TMEM132C: variants seen among roughly 807,000 people sequenced by gnomAD.
TMEM132C encodes transmembrane protein 132C, also known as protein phosphatase 1, regulatory subunit 152.
A neutral mutation model predicts 61.4 loss-of-function variants in TMEM132C; 29 were observed. The observed-to-expected ratio is 0.47, with a 90% CI of 0.35 to 0.64. The LOEUF (loss-of-function observed/expected upper bound fraction) is 0.64. TMEM132C is among the 30% of genes least tolerant of loss of function. The pLI is 0.00. For synonymous variants in TMEM132C, 656 were observed against 633.1 expected (o/e 1.04, Z -0.54); for missense variants, 1,408 against 1,476.9 (o/e 0.95, Z 0.76).
intron 4 of TMEM132C, among the ~76,000 whole-genome samples, chr12:128,632,005 G>T (rs1042128840): frequency 1.3e-5 from 2 of 152,260 alleles, no homozygotes; most frequent in Middle Eastern, 3.4e-3. Context: ...ATGGGGGGAA[G>T]GGGGGCTGAC....
chr12:128,556,692 G>A (rs542948823), intron 3 of TMEM132C, among the ~76,000 whole-genome samples: 22 of 152,174 alleles, frequency 1.4e-4, no homozygotes, highest in African/African-American at 3.9e-4. Context: ...TCATAAAAGC[G>A]CCCTGCACCA....
chr12:128,599,922 C>T (rs1194168190), intron 3 of TMEM132C, among the ~76,000 whole-genome samples: 1 of 152,156 alleles, frequency 6.6e-6, no homozygotes, highest in Non-Finnish European at 1.5e-5. Flanking sequence ...TACCCCCATG[C>T]TGCTGTTCTC....
At chr12:128,586,771 G>C (rs1055513818) in intron 3 of TMEM132C, among the ~76,000 whole-genome samples, 1 of 152,212 alleles carries the variant, frequency 6.6e-6, no homozygotes, top group African/African-American at 2.4e-5. Flanking sequence ...TCTCATCCTT[G>C]CCTCATCCCT....
chr12:128,384,977 A>C (rs2135994307), intron 1 of TMEM132C, among the ~76,000 whole-genome samples: 1 of 152,308 alleles, frequency 6.6e-6, no homozygotes. Context: ...CACGTCTGTC[A>C]AAGTCCAGCC....
intron 1 of TMEM132C, among the ~76,000 whole-genome samples, chr12:128,279,462 C>T (rs1009761637): frequency 2.6e-5 from 4 of 152,148 alleles, no homozygotes; most frequent in African/African-American, 9.7e-5. Context: ...TAGTGTCTCC[C>T]ATCACATTCA....
rs80025064 is a variant in TMEM132C at position 128,331,473 on chromosome 12, T to C, written c.85+63986T>C. Among the ~76,000 whole-genome samples the C allele has an allele frequency of 5.0e-4, 75 of 151,320 alleles. No individual in the cohort carries two copies. In the East Asian group the frequency reaches 0.012, roughly 23 times the overall value. ...CTATGATTCCACTCTCTACATCACA[T>C]GTACACATTTTTTTGGCACCCACTT... is the stretch of plus-strand genomic sequence containing the variant. On this transcript the variant is annotated intron_variant, in intron 1 of 8. Coordinates refer to ENST00000435159, the MANE Select transcript of TMEM132C (RefSeq NM_001136103.3).
chr12:128,401,204 C>T (rs1238604930), intron 1 of TMEM132C, among the ~76,000 whole-genome samples: 1 of 152,090 alleles, frequency 6.6e-6, no homozygotes, highest in Admixed American at 6.5e-5. Context: ...TGTCTTCTAG[C>T]CTGCAAAAAC....
At chr12:128,672,135 T>C (rs1954538329) in intron 5 of TMEM132C, among the ~76,000 whole-genome samples, 2 of 152,244 alleles carry the variant, frequency 1.3e-5, no homozygotes, top group Non-Finnish European at 2.9e-5. Context: ...ATTTTACTTT[T>C]TTTTACACTA....
intron 1 of TMEM132C, among the ~76,000 whole-genome samples, chr12:128,380,952 A>G (rs1168310957): frequency 6.6e-6 from 1 of 152,240 alleles, no homozygotes; most frequent in Non-Finnish European, 1.5e-5. Flanking sequence ...AGCTGATTGA[A>G]TGCAGGTGTT....
chr12:128,665,477 GCACA>G lies in TMEM132C; in HGVS notation c.1306-3931_1306-3928del, dbSNP rs1194648679. Among the ~76,000 whole-genome samples, 11 of 118,220 alleles carry G rather than the reference GCACA, an allele frequency of 9.3e-5. No homozygotes were observed. In the East Asian group the frequency reaches 2.8e-3, roughly 31 times the overall value. The allele number at this position is 118,220 out of a possible 152,430, so 77.6% of individuals were successfully genotyped here. Reference sequence around the variant, plus strand: ...CACTCACACACACACAAACATAGGCGCACACACACACAGAGGCACAGGTACCCAT... The same window carrying G: ...CACTCACACACACACAAACATAGGCGCACACACAGAGGCACAGGTACCCAT... On this transcript the variant is annotated intron_variant, in intron 4 of 8. Coordinates refer to ENST00000435159, the MANE Select transcript of TMEM132C (RefSeq NM_001136103.3).
At chr12:128,615,420 G>A (rs1463724926) in intron 3 of TMEM132C, among the ~76,000 whole-genome samples, 2 of 152,156 alleles carry the variant, frequency 1.3e-5, no homozygotes, top group East Asian at 3.8e-4. Context: ...AATTACATAA[G>A]TCACCGTAAT....
intron 1 of TMEM132C, among the ~76,000 whole-genome samples, chr12:128,285,403 T>C (rs1871022162): frequency 6.6e-6 from 1 of 152,198 alleles, no homozygotes; most frequent in African/African-American, 2.4e-5. Flanking sequence ...AAAGACATTT[T>C]AGTAAATAAA....
At chr12:128,688,651 A>G (rs1954696050) in intron 5 of TMEM132C, among the ~76,000 whole-genome samples, 1 of 152,218 alleles carries the variant, frequency 6.6e-6, no homozygotes, top group African/African-American at 2.4e-5. Flanking sequence ...AAGCGTCTAG[A>G]ACATCCAGGA....
chr12:128,304,084 G>A (rs1871680656), intron 1 of TMEM132C, among the ~76,000 whole-genome samples: 1 of 152,142 alleles, frequency 6.6e-6, no homozygotes, highest in Admixed American at 6.5e-5. Context: ...GGGATGATTT[G>A]TTACGTAACA....
At chr12:128,666,209 A>T (rs909125653) in intron 4 of TMEM132C, among the ~76,000 whole-genome samples, 7 of 147,724 alleles carry the variant, frequency 4.7e-5, no homozygotes, top group African/African-American at 1.8e-4. Context: ...GTACCCATAA[A>T]CAGGCACCCA....
intron 3 of TMEM132C, among the ~76,000 whole-genome samples, chr12:128,590,564 A>G (rs1387438): frequency 0.82 from 124,446 of 152,086 alleles, 51,006 homozygotes; most frequent in South Asian, 0.91. Flanking sequence ...CTGCCACCCG[A>G]TTCCTCTGGC....
At chr12:128,602,577 A>C (rs533631731) in intron 3 of TMEM132C, among the ~76,000 whole-genome samples, 1 of 152,216 alleles carries the variant, frequency 6.6e-6, no homozygotes, top group Non-Finnish European at 1.5e-5. Context: ...TTTAGCCCTG[A>C]AATTCACCAA....
Position 128,636,558 on chromosome 12 carries a change from TTTTG to T in TMEM132C, c.1305+20229_1305+20232del, listed in dbSNP as rs1173441528. On this transcript the variant is annotated intron_variant, in intron 4 of 8. Coordinates refer to ENST00000435159, the MANE Select transcript of TMEM132C (RefSeq NM_001136103.3). Reference sequence around the variant, plus strand: ...TTTTGTTCTGTTTTGTTTTTTGGGTTTTTGTTTGTGTGTGTGTGTGTGTGTGTGT... The same window carrying T: ...TTTTGTTCTGTTTTGTTTTTTGGGTTTTTGTGTGTGTGTGTGTGTGTGTGT... 7.5e-4 allele frequency among the ~76,000 whole-genome samples: 86 copies of T among 114,386 alleles called. No individual in the cohort carries two copies. The East Asian group carries it at 0.016, about 22-fold the overall frequency. 75.0% of individuals were successfully genotyped at this position (114,386 alleles called of 152,430 possible). A position where few individuals can be genotyped will look rare whatever the true frequency, so the allele number is the denominator to read the frequency against.
At chr12:128,660,364 C>G (rs1183199857) in intron 4 of TMEM132C, among the ~76,000 whole-genome samples, 1 of 152,106 alleles carries the variant, frequency 6.6e-6, no homozygotes, top group East Asian at 1.9e-4. Flanking sequence ...GAAGTTTCTT[C>G]CCAGAAATTA....
Sources: allele counts gnomAD v4.1 joint callset (sites outside exome capture counted in the v4.1 genomes callset), GRCh38; gene constraint gnomAD v4.1.1; transcripts MANE v1.5; gene names NCBI Gene and HGNC (gene_info 2026-07-23, HGNC 2026-07-21).